Variants in SETBP1 observed in about 807,000 individuals in gnomAD.
SETBP1 encodes SET-binding protein.
A neutral mutation model predicts 101.0 loss-of-function variants in SETBP1; 9 were observed. The observed-to-expected ratio is 0.09, with a 90% CI of 0.05 to 0.16. The LOEUF (loss-of-function observed/expected upper bound fraction) is 0.16, where lower values mean the gene tolerates loss of function less well. Among genes scored for constraint, SETBP1 ranks in the 10% least tolerant of loss-of-function variants. SETBP1 has a pLI of 1.00. For synonymous variants in SETBP1, 818 were observed against 788.5 expected (o/e 1.04, Z -0.63); for missense variants, 1,858 against 2,033.8 (o/e 0.91, Z 1.66).
In SETBP1 at chr18:45,017,059, G is replaced by T. The variant is rs1426930807; in HGVS notation, c.4001-21426G>T. Among the ~76,000 whole-genome samples the T allele has an allele frequency of 2.6e-5, 4 of 152,090 alleles. 1 individual carries two copies. Among genetic ancestry groups the T allele is most frequent in the Non-Finnish European group, 5.9e-5 (4 of 68,028 alleles). Reference sequence around the variant, plus strand: ...TTTGTTTTCTTGCAAATGGTCACTAGACCGGGCCCAGCCTGTGGGGACTTC... The same window carrying T: ...TTTGTTTTCTTGCAAATGGTCACTATACCGGGCCCAGCCTGTGGGGACTTC... On this transcript the variant is annotated intron_variant, in intron 4 of 5. Coordinates refer to ENST00000649279, the MANE Select transcript of SETBP1 (RefSeq NM_015559.3).
intron 4 of SETBP1, among the ~76,000 whole-genome samples, chr18:44,966,631 A>G (rs2071726752): frequency 6.6e-6 from 1 of 152,204 alleles, no homozygotes. Context: ...GGTGCTGAGC[A>G]CAGATATTAC....
At chr18:44,738,939 C>G (rs1434629851) in intron 2 of SETBP1, among the ~76,000 whole-genome samples, 1 of 151,962 alleles carries the variant, frequency 6.6e-6, no homozygotes, top group African/African-American at 2.4e-5. Flanking sequence ...AGAAATGGGC[C>G]TCACTGGGCT....
At position 44,952,990 on chromosome 18, in the gene SETBP1, C is replaced by T; in HGVS notation, c.3650C>T (p.Ala1217Val). 6.2e-7 allele frequency: 1 copy of T among 1,614,192 alleles called. No homozygotes were observed. The highest frequency in any genetic ancestry group is 8.5e-7 in the Non-Finnish European group (1 of 1,180,034). Residue 1217 changes from alanine to valine, a missense_variant, in exon 4 of 6, where the codon GCC becomes GTC. Physicochemically the swap from Ala to Val is moderately conservative, Grantham distance 64. Around this residue, in one of 12 missense-constraint regions of SETBP1, gnomAD observed 417 missense variants for 389.1 expected, o/e 1.07. Coordinates refer to ENST00000649279, the MANE Select transcript of SETBP1 (RefSeq NM_015559.3). ...KEKQKHQHSEAGHKASKNNFE... is the reference protein window; with the variant it reads ...KEKQKHQHSEVGHKASKNNFE... ...AAACAGAAGCACCAGCACAGCGAAG[C>T]CGGCCACAAAGCTTCTAAGAACAAC... is the stretch of plus-strand genomic sequence containing the variant.
At chr18:44,933,492 C>T (rs1001357846) in intron 3 of SETBP1, among the ~76,000 whole-genome samples, 1 of 152,224 alleles carries the variant, frequency 6.6e-6, no homozygotes, top group African/African-American at 2.4e-5. Context: ...CAGACAGGGA[C>T]GTTTAAGTCT....
chr18:44,757,308 C>G (rs748163010), intron 2 of SETBP1, among the ~76,000 whole-genome samples: 1 of 152,204 alleles, frequency 6.6e-6, no homozygotes, highest in Non-Finnish European at 1.5e-5. Context: ...TACACTTAGT[C>G]TCCATTAGTG....
At chr18:44,745,310 T>G (rs941193468) in intron 2 of SETBP1, among the ~76,000 whole-genome samples, 1 of 152,128 alleles carries the variant, frequency 6.6e-6, no homozygotes, top group Non-Finnish European at 1.5e-5. Flanking sequence ...TCTTTTGGTG[T>G]GTTTCTTTTT....
chr18:45,045,206 G>A (rs960127294), intron 5 of SETBP1, among the ~76,000 whole-genome samples: 7 of 152,192 alleles, frequency 4.6e-5, no homozygotes, highest in Non-Finnish European at 7.4e-5. Flanking sequence ...GGTGGATCAC[G>A]AGGTCAGGAG....
At chr18:44,819,858 C>T (rs140911033) in intron 2 of SETBP1, among the ~76,000 whole-genome samples, 60 of 152,310 alleles carry the variant, frequency 3.9e-4, no homozygotes, top group Middle Eastern at 3.4e-3. Flanking sequence ...TACATGGACA[C>T]CTCTTGAAGA....
chr18:44,799,709 A>G (rs756897417), intron 2 of SETBP1, among the ~76,000 whole-genome samples: 4 of 152,178 alleles, frequency 2.6e-5, no homozygotes, highest in Non-Finnish European at 5.9e-5. Flanking sequence ...TGTTGGAGGT[A>G]TACTTGATAG....
At chr18:44,995,529 T>TGTGTGTG (rs2072477041) in intron 4 of SETBP1, among the ~76,000 whole-genome samples, 1 of 142,876 alleles carries the variant, frequency 7.0e-6, no homozygotes, top group Non-Finnish European at 1.5e-5. Flanking sequence ...GTCCAGGCTT[T>TGTGTGTG]TGTGTGTGTG....
Position 44,950,373 on chromosome 18 carries a change from C to A in SETBP1, c.1033C>A (p.Gln345Lys), listed in dbSNP as rs374418839. 1 of 1,613,960 alleles carries A rather than the reference C, an allele frequency of 6.2e-7. No individual in the cohort carries two copies. The highest frequency in any genetic ancestry group is 1.3e-5 in the African/African-American group (1 of 74,932). The change falls in exon 4 of 6, where the codon CAG (glutamine) becomes AAG (lysine). Residue 345 changes from glutamine (Q) to lysine (K), a missense_variant. Physicochemically the swap from Gln to Lys is moderately conservative, Grantham distance 53 (BLOSUM62 1). Coordinates refer to ENST00000649279, the MANE Select transcript of SETBP1 (RefSeq NM_015559.3). ...GTCCAGTAAAAAAGATGTGATAAGT[C>A]AGACCATACCAAACCCAGACCTGGA... ...KKSSKKDVIS[Q>K]TIPNPDLDWV...
chr18:44,996,544 A>G (rs764778736), intron 4 of SETBP1, among the ~76,000 whole-genome samples: 3 of 152,272 alleles, frequency 2.0e-5, no homozygotes, highest in African/African-American at 7.2e-5. Flanking sequence ...CTACCCATGA[A>G]GATGAAACTG....
At chr18:45,025,485 A>G (rs2073146592) in intron 4 of SETBP1, among the ~76,000 whole-genome samples, 1 of 152,176 alleles carries the variant, frequency 6.6e-6, no homozygotes, top group Admixed American at 6.5e-5. Context: ...CTATCTAATG[A>G]TGGGTCTGAG....
intron 2 of SETBP1, among the ~76,000 whole-genome samples, chr18:44,828,492 T>A (rs1262816941): frequency 6.6e-6 from 1 of 152,266 alleles, no homozygotes; most frequent in Non-Finnish European, 1.5e-5. Context: ...AGATATTTTT[T>A]ATCTATTCCA....
chr18:44,899,337 G>C (rs1404030517), intron 3 of SETBP1, among the ~76,000 whole-genome samples: 1 of 152,166 alleles, frequency 6.6e-6, no homozygotes, highest in Non-Finnish European at 1.5e-5. Context: ...TTGGGGAATA[G>C]AGAGAGGCAT....
At chr18:44,964,752 C>T (rs535559646) in intron 4 of SETBP1, among the ~76,000 whole-genome samples, 1 of 152,140 alleles carries the variant, frequency 6.6e-6, no homozygotes, top group Non-Finnish European at 1.5e-5. Flanking sequence ...TCCAATCTGC[C>T]GTTTCTCCAG....
At chr18:44,772,381 G>A (rs972727434) in intron 2 of SETBP1, among the ~76,000 whole-genome samples, 2 of 152,168 alleles carry the variant, frequency 1.3e-5, no homozygotes, top group African/African-American at 4.8e-5. Context: ...TGCCTGGAGA[G>A]CACAGGGCTA....
intron 2 of SETBP1, among the ~76,000 whole-genome samples, chr18:44,853,415 T>G (rs1249436099): frequency 6.6e-6 from 1 of 152,176 alleles, no homozygotes. Context: ...TATCACAGGA[T>G]GGAGGGAAGA....
intron 3 of SETBP1, among the ~76,000 whole-genome samples, chr18:44,889,906 T>A (rs2069729451): frequency 6.6e-6 from 1 of 152,176 alleles, no homozygotes; most frequent in African/African-American, 2.4e-5. Context: ...TCCCAACATT[T>A]AATGAAGGAT....
Sources: allele counts gnomAD v4.1 joint callset (sites outside exome capture counted in the v4.1 genomes callset), GRCh38; gene constraint gnomAD v4.1.1; regional missense constraint gnomAD v4.1.1; transcripts MANE v1.5; gene names NCBI Gene and HGNC (gene_info 2026-07-23, HGNC 2026-07-21).